Variants in NCK1 observed in about 807,000 individuals in gnomAD.
The protein encoded by NCK1 is NCK adaptor protein 1.
In NCK1, 19 loss-of-function variants were observed where a neutral mutation model predicts 36.6. That is an observed-to-expected ratio of 0.52 (90% CI 0.36 to 0.76). NCK1 has a LOEUF of 0.76. Ranked by LOEUF, NCK1 falls within the 30% of genes least tolerant of loss-of-function variation. The pLI, the probability that NCK1 is intolerant of heterozygous loss-of-function variation, is 0.00. For synonymous variants in NCK1, 165 were observed against 156.0 expected, an observed-to-expected ratio of 1.06 and a Z score of -0.43; for missense variants, 358 against 445.6, an observed-to-expected ratio of 0.80 and a Z score of 1.77.
In NCK1 at chr3:136,950,075, A is replaced by G. The variant is rs546104291; in HGVS notation, c.*1622A>G. On this transcript the variant is annotated 3_prime_UTR_variant, in exon 4 of 4. Transcript: ENST00000481752. ...GTAATTATTAGTAGTTAAGTTTTTA[A>G]TGGAAATAAAAATCATGTATGCTTA... Among the ~76,000 whole-genome samples the G allele has an allele frequency of 3.9e-5, 6 of 152,232 alleles. No homozygotes were observed. Among genetic ancestry groups the G allele is most frequent in the African/African-American group, 1.4e-4 (6 of 41,574 alleles).
chr3:136,891,598 T>C (rs1939247209), intron 1 of NCK1, among the ~76,000 whole-genome samples: 1 of 152,242 alleles, frequency 6.6e-6, no homozygotes, highest in Non-Finnish European at 1.5e-5. Context: ...TTCTAATTTT[T>C]TGAAGAACTG....
chr3:136,912,807 G>A (rs1284059323), intron 1 of NCK1, among the ~76,000 whole-genome samples: 3 of 151,838 alleles, frequency 2.0e-5, no homozygotes, highest in Non-Finnish European at 4.4e-5. Flanking sequence ...TTGCGCTGCT[G>A]TGCTTGGCTA....
intron 1 of NCK1, among the ~76,000 whole-genome samples, chr3:136,903,708 A>G (rs1268605988): frequency 6.6e-6 from 1 of 152,192 alleles, no homozygotes; most frequent in African/African-American, 2.4e-5. Flanking sequence ...TGTAGGTGAG[A>G]GCCACACCGC....
In NCK1 at chr3:136,950,934, C is replaced by T. The variant is rs1940956671; in HGVS notation, c.*2481C>T. Among the ~76,000 whole-genome samples, 1 of 152,108 alleles carries T rather than the reference C, an allele frequency of 6.6e-6. No individual in the cohort carries two copies. The highest frequency in any genetic ancestry group is 1.5e-5 in the Non-Finnish European group (1 of 68,002). On this transcript the variant is annotated 3_prime_UTR_variant, in exon 4 of 4. Transcript: ENST00000481752. ...GTGACAAAAACAAATGCCATTGTGTCCCTTATTTAGTCATAAAACCTTAGG... is the reference window on the plus strand; with the variant it reads ...GTGACAAAAACAAATGCCATTGTGTTCCTTATTTAGTCATAAAACCTTAGG...
At chr3:136,924,872 C>T (rs972348064) in intron 1 of NCK1, among the ~76,000 whole-genome samples, 6 of 152,082 alleles carry the variant, frequency 3.9e-5, no homozygotes, top group Non-Finnish European at 5.9e-5. Flanking sequence ...TTGCAACCTC[C>T]GGCATATATG....
At chr3:136,889,076 T>G (rs1164198357) in intron 1 of NCK1, 7 of 80,842 alleles carry the variant, frequency 8.7e-5, no homozygotes, top group African/African-American at 3.3e-4. Context: ...TTTTTTTTTG[T>G]AGAGACAGTC....
At chr3:136,890,596 T>C (rs559639507) in intron 1 of NCK1, among the ~76,000 whole-genome samples, 1 of 152,390 alleles carries the variant, frequency 6.6e-6, no homozygotes, top group South Asian at 2.1e-4. Context: ...CTGAATAATA[T>C]GTAATTTTAC....
intron 1 of NCK1, among the ~76,000 whole-genome samples, chr3:136,885,548 G>C (rs1480196941): frequency 6.6e-6 from 1 of 152,094 alleles, no homozygotes; most frequent in African/African-American, 2.4e-5. Context: ...CAAGTGATTC[G>C]TCTACCTTGG....
At position 136,946,253 on chromosome 3, in the gene NCK1, A is replaced by G. The variant is rs775761011; in HGVS notation, c.897A>G (p.Arg299=). 5 of 1,613,208 alleles carry G rather than the reference A, an allele frequency of 3.1e-6. No individual in the cohort carries two copies. In the South Asian group the frequency reaches 5.5e-5, roughly 18 times the overall value. Residue 299 remains arginine (R), a synonymous_variant, in exon 3 of 4, where the codon AGA becomes AGG. Transcript: ENST00000481752. The part of the protein sequence containing the change: ...RHQAEMALNE[R]GHEGDFLIRD... ...AAGCAGAAATGGCATTAAATGAAAG[A>G]GGACATGAAGGGGATTTCCTCATTC...
In NCK1 at chr3:136,950,463, T is replaced by C. The variant is rs1940944234; in HGVS notation, c.*2010T>C. Among the ~76,000 whole-genome samples, 1 of 152,164 alleles carries C rather than the reference T, an allele frequency of 6.6e-6. No individual in the cohort carries two copies. The highest frequency in any genetic ancestry group is 2.4e-5 in the African/African-American group (1 of 41,464). On this transcript the variant is annotated 3_prime_UTR_variant, in exon 4 of 4. Transcript: ENST00000481752. ...CTCCCAGATAACCCATGTGTGCTAG[T>C]AATATCTATTGTGTGCTCTTACTAT...
At chr3:136,934,403 A>G (rs1444481234) in intron 2 of NCK1, among the ~76,000 whole-genome samples, 2 of 151,886 alleles carry the variant, frequency 1.3e-5, no homozygotes, top group African/African-American at 4.8e-5. Context: ...CTCCTGCCTC[A>G]GCCTCCCGAG....
chr3:136,908,695 C>T (rs1446425066), intron 1 of NCK1, among the ~76,000 whole-genome samples: 2 of 152,152 alleles, frequency 1.3e-5, no homozygotes, highest in Non-Finnish European at 1.5e-5. Context: ...ATATTTTTTA[C>T]TGTGGTTGCC....
chr3:136,884,959 G>C (rs975739188), intron 1 of NCK1, among the ~76,000 whole-genome samples: 4 of 152,102 alleles, frequency 2.6e-5, no homozygotes, highest in Non-Finnish European at 5.9e-5. Flanking sequence ...GACCTCAAGT[G>C]ATCTGCCCAC....
chr3:136,923,925 C>G (rs531915642), intron 1 of NCK1, among the ~76,000 whole-genome samples: 2 of 152,304 alleles, frequency 1.3e-5, no homozygotes, highest in African/African-American at 4.8e-5. Flanking sequence ...AGTATATATT[C>G]TACCTTTTCT....
chr3:136,914,514 G>C (rs1221377522), intron 1 of NCK1, among the ~76,000 whole-genome samples: 2 of 152,122 alleles, frequency 1.3e-5, no homozygotes, highest in African/African-American at 2.4e-5. Flanking sequence ...TTTTTTAAAG[G>C]TTTCATTAGA....
intron 2 of NCK1, among the ~76,000 whole-genome samples, chr3:136,931,559 G>T (rs1940390281): frequency 2.0e-5 from 2 of 100,478 alleles, no homozygotes; most frequent in Admixed American, 2.4e-4. Flanking sequence ...TAAAATTTCA[G>T]ATCTTTGCAT....
At chr3:136,910,709 A>G (rs1939810869) in intron 1 of NCK1, among the ~76,000 whole-genome samples, 1 of 152,250 alleles carries the variant, frequency 6.6e-6, no homozygotes, top group African/African-American at 2.4e-5. Context: ...GTTCTGACAC[A>G]TGTATACAAT....
intron 2 of NCK1, among the ~76,000 whole-genome samples, chr3:136,933,416 T>C (rs1025935876): frequency 9.2e-5 from 14 of 152,202 alleles, no homozygotes; most frequent in Non-Finnish European, 1.9e-4. Context: ...AGCTGTCATA[T>C]GAAGAAGGAA....
chr3:136,951,382 C>G lies in NCK1; in HGVS notation c.*2929C>G, dbSNP rs1576999391. On this transcript the variant is annotated 3_prime_UTR_variant, in exon 4 of 4. Coordinates refer to ENST00000481752, the MANE Select transcript of NCK1 (RefSeq NM_001291999.2). ...ATACAGAAATGTTGTTCAACCCACA[C>G]AGTGCTTTAAAAAATTAATTGCCAA... is the stretch of plus-strand genomic sequence containing the variant. Among the ~76,000 whole-genome samples the G allele has an allele frequency of 6.6e-6, 1 of 152,180 alleles. No homozygotes were observed. Among genetic ancestry groups the G allele is most frequent in the Non-Finnish European group, 1.5e-5 (1 of 68,010 alleles).
Sources: allele counts gnomAD v4.1 joint callset (sites outside exome capture counted in the v4.1 genomes callset), GRCh38; gene constraint gnomAD v4.1.1; transcripts MANE v1.5; gene names NCBI Gene and HGNC (gene_info 2026-07-23, HGNC 2026-07-21).